The following EVC2 variants were observed in gnomAD, a reference collection of about 807,000 sequenced individuals.
The protein encoded by EVC2 is limbin.
In EVC2, 148 loss-of-function variants were observed where a neutral mutation model predicts 149.3. The ratio of observed to expected loss-of-function variants is 0.99; its 90% CI spans 0.87 to 1.14. EVC2 has a LOEUF of 1.14. EVC2 is among the 50% of genes most tolerant of loss of function. The pLI is 0.00. For synonymous variants in EVC2, 776 were observed against 649.9 expected (o/e 1.19, Z -2.95); for missense variants, 1,854 against 1,627.3 (o/e 1.14, Z -2.40).
chr4:5,701,859 C>G (rs1182176072), intron 1 of EVC2, among the ~76,000 whole-genome samples: 1 of 152,134 alleles, frequency 6.6e-6, no homozygotes, highest in Non-Finnish European at 1.5e-5. Flanking sequence ...AACCCAGAAC[C>G]AATCCCAGTA....
In EVC2 at chr4:5,620,069, C is replaced by T. The variant is rs367726659; in HGVS notation, c.2502-1387G>A. Among the ~76,000 whole-genome samples the T allele has an allele frequency of 9.2e-5, 14 of 152,268 alleles. No individual in the cohort carries two copies. In the East Asian group the frequency reaches 2.5e-3, roughly 27 times the overall value. On this transcript the variant is annotated intron_variant, in intron 14 of 21. Transcript: ENST00000344408. ...GGAAAGAGAATGAGACCTTCAGAGA[C>T]CACGGGGGCCCTCTGCTGACAACAC...
Position 5,569,459 on chromosome 4 carries a change from T to C in EVC2, c.3361-819A>G, listed in dbSNP as rs924577000. On this transcript the variant is annotated intron_variant, in intron 19 of 21. Coordinates refer to ENST00000344408, the MANE Select transcript of EVC2 (RefSeq NM_147127.5). The surrounding 1 kb of genome is among the most constrained non-coding windows in gnomAD (Gnocchi z 4.8). ...AGTGAAACTCTCTGAAACTCTATAC[T>C]AGCTTTGTAACTTCTTGTGAATCTA... is the stretch of plus-strand genomic sequence containing the variant. 1.3e-5 allele frequency among the ~76,000 whole-genome samples: 2 copies of C among 152,230 alleles called. No individual in the cohort carries two copies. The highest frequency in any genetic ancestry group is 1.9e-4 in the East Asian group (1 of 5,188).
At chr4:5,658,869 A>G (rs1718701667) in intron 9 of EVC2, among the ~76,000 whole-genome samples, 1 of 152,176 alleles carries the variant, frequency 6.6e-6, no homozygotes, top group Non-Finnish European at 1.5e-5. Flanking sequence ...GGCTGGAGCT[A>G]AAACATGCTC....
intron 2 of EVC2, among the ~76,000 whole-genome samples, chr4:5,695,703 G>A (rs1360396065): frequency 6.6e-6 from 1 of 152,214 alleles, no homozygotes; most frequent in East Asian, 1.9e-4. Flanking sequence ...GTTTTGAAAT[G>A]ACCTGGATGG....
chr4:5,625,358 G>A lies in EVC2; in HGVS notation c.2046+391C>T, dbSNP rs937449720. ...CACACACACACACACAAACCCAGTGGTATCTCCCTCATAGGGTTAATATAC... is the reference window on the plus strand; with the variant it reads ...CACACACACACACACAAACCCAGTGATATCTCCCTCATAGGGTTAATATAC... On this transcript the variant is annotated intron_variant, in intron 13 of 21. Coordinates refer to ENST00000344408, the MANE Select transcript of EVC2 (RefSeq NM_147127.5). The surrounding 1 kb of genome is among the most constrained non-coding windows in gnomAD (Gnocchi z 4.0). Among the ~76,000 whole-genome samples the A allele has an allele frequency of 2.0e-5, 3 of 148,842 alleles. No individual in the cohort carries two copies. The highest frequency in any genetic ancestry group is 7.5e-5 in the African/African-American group (3 of 40,132).
Position 5,696,139 on chromosome 4 carries a change from C to T in EVC2, c.283+1454G>A, listed in dbSNP as rs868386575. Among the ~76,000 whole-genome samples the T allele has an allele frequency of 4.6e-5, 7 of 152,168 alleles. No individual in the cohort carries two copies. Among genetic ancestry groups the T allele is most frequent in the African/African-American group, 7.2e-5 (3 of 41,434 alleles). On this transcript the variant is annotated intron_variant, in intron 2 of 21. Transcript: ENST00000344408. This position sits in a 1 kb window ranked among gnomAD's most constrained non-coding sequence, Gnocchi z 4.1. ...GCAAGTGAGACCGGACATCCATCTCCGGACCCCAGCACAGCACCCTGGGCC... is the reference window on the plus strand; with the variant it reads ...GCAAGTGAGACCGGACATCCATCTCTGGACCCCAGCACAGCACCCTGGGCC...
chr4:5,562,428 T>A (rs150801014), downstream of EVC2: 4 of 1,021,742 alleles, frequency 3.9e-6, no homozygotes, highest in African/African-American at 5.1e-5. This position sits in a 1 kb window ranked among gnomAD's most constrained non-coding sequence, Gnocchi z 4.3. Context: ...ATGGGTTTTG[T>A]AATAAACAGC....
rs760410659 is a variant in EVC2, at chr4:5,564,542, C to A, written c.3659+716G>T. Among the ~76,000 whole-genome samples, 67 of 152,276 alleles carry A rather than the reference C, an allele frequency of 4.4e-4. No homozygotes were observed. In the Middle Eastern group the frequency reaches 0.01, roughly 23 times the overall value. ...GAGCTCTGAGAAATTGTGGAAGGGG[C>A]AGGACTGAGGTAGACATGTCCGTTG... is the stretch of plus-strand genomic sequence containing the variant. On this transcript the variant is annotated intron_variant, in intron 21 of 21. Coordinates refer to ENST00000344408, the MANE Select transcript of EVC2 (RefSeq NM_147127.5).
At chr4:5,682,335 C>A (rs1488538035) in intron 6 of EVC2, among the ~76,000 whole-genome samples, 3 of 148,840 alleles carry the variant, frequency 2.0e-5, no homozygotes, top group Admixed American at 6.7e-5. Context: ...TACTAAAAAT[C>A]AAAAATTAGC....
chr4:5,531,674 T>G, the EVC2 span, among the ~76,000 whole-genome samples: 1 of 151,954 alleles, frequency 6.6e-6, no homozygotes, highest in Non-Finnish European at 1.5e-5. Context: ...TGCCTGATGA[T>G]CTGTCACTGT....
rs531175052 is a variant in EVC2, at chr4:5,695,056, A to G, written c.284-555T>C. On this transcript the variant is annotated intron_variant, in intron 2 of 21. Coordinates refer to ENST00000344408, the MANE Select transcript of EVC2 (RefSeq NM_147127.5). Reference sequence around the variant, plus strand: ...AACGCCTGCTGAGCCCTCCAATAGGAAATGACTCCTGGGCCAGGCACCGCA... The same window carrying G: ...AACGCCTGCTGAGCCCTCCAATAGGGAATGACTCCTGGGCCAGGCACCGCA... 8.5e-5 allele frequency among the ~76,000 whole-genome samples: 13 copies of G among 152,234 alleles called. No individual in the cohort carries two copies. In the South Asian group the frequency reaches 2.7e-3, roughly 32 times the overall value.
rs1231528386 is a variant in EVC2 at position 5,696,696 on chromosome 4, T to A, written c.283+897A>T. Among the ~76,000 whole-genome samples the A allele has an allele frequency of 1.3e-5, 2 of 152,132 alleles. No homozygotes were observed. Among genetic ancestry groups the A allele is most frequent in the Non-Finnish European group, 2.9e-5 (2 of 68,020 alleles). On this transcript the variant is annotated intron_variant, in intron 2 of 21. Coordinates refer to ENST00000344408, the MANE Select transcript of EVC2 (RefSeq NM_147127.5). This position sits in a 1 kb window ranked among gnomAD's most constrained non-coding sequence, Gnocchi z 4.1. ...GAGAAAGGCAGAGCCGTAGGAGCATTGAGAACCTTGTGCTCCTGGGTCCAG... is the reference window on the plus strand; with the variant it reads ...GAGAAAGGCAGAGCCGTAGGAGCATAGAGAACCTTGTGCTCCTGGGTCCAG...
chr4:5,570,104 C>T (rs1270541400), intron 19 of EVC2, among the ~76,000 whole-genome samples: 8 of 152,212 alleles, frequency 5.3e-5, no homozygotes, highest in African/African-American at 1.9e-4. Context: ...TTGGTTTTAA[C>T]CAACTCTGCT....
intron 5 of EVC2, among the ~76,000 whole-genome samples, chr4:5,688,740 C>G (rs1367566856): frequency 2.6e-5 from 4 of 152,110 alleles, no homozygotes; most frequent in African/African-American, 9.7e-5. Flanking sequence ...GATGTCAACC[C>G]ACTCCCACTC....
In EVC2 at chr4:5,679,001, A is replaced by C. The variant is rs1203298543; in HGVS notation, c.870+2259T>G. ...AGCTGAGAACGTACCACTGCACTCC[A>C]GCCTGGGCGACAAAGCAAGACTCTA... On this transcript the variant is annotated intron_variant, in intron 7 of 21. Coordinates refer to ENST00000344408, the MANE Select transcript of EVC2 (RefSeq NM_147127.5). This position sits in a 1 kb window ranked among gnomAD's most constrained non-coding sequence, Gnocchi z 5.1. Among the ~76,000 whole-genome samples the C allele has an allele frequency of 6.6e-6, 1 of 152,014 alleles. No individual in the cohort carries two copies. The highest frequency in any genetic ancestry group is 1.5e-5 in the Non-Finnish European group (1 of 68,002).
At chr4:5,700,394 T>C (rs1220125185) in intron 1 of EVC2, among the ~76,000 whole-genome samples, 1 of 152,210 alleles carries the variant, frequency 6.6e-6, no homozygotes, top group Non-Finnish European at 1.5e-5. Flanking sequence ...GTACAACCTC[T>C]GTCCCCTGGA....
downstream of EVC2, among the ~76,000 whole-genome samples, chr4:5,558,389 G>A (rs1413445227): frequency 3.9e-5 from 6 of 152,158 alleles, no homozygotes; most frequent in Admixed American, 3.3e-4. Flanking sequence ...TTGAACGTGT[G>A]GAGCACAGGA....
At chr4:5,606,422 C>T (rs1714394575) in intron 16 of EVC2, among the ~76,000 whole-genome samples, 1 of 152,150 alleles carries the variant, frequency 6.6e-6, no homozygotes, top group Admixed American at 6.5e-5. Context: ...AAGGGCATCA[C>T]CTTGGTAGTG....
chr4:5,660,348 T>C (rs1358919160), intron 9 of EVC2, among the ~76,000 whole-genome samples: 1 of 152,196 alleles, frequency 6.6e-6, no homozygotes, highest in African/African-American at 2.4e-5. Flanking sequence ...AGTCCCTTTC[T>C]TCTGAGAACA....
Sources: gnomAD v4.1 joint callset for allele counts (sites outside exome capture counted in the v4.1 genomes callset) on GRCh38, gnomAD v4.1.1 for gene constraint, Gnocchi (gnomAD v3.1) non-coding constraint, MANE v1.5 for transcripts, NCBI Gene and HGNC (gene_info 2026-07-23, HGNC 2026-07-21) for gene names.